The following ZNF846 variants were observed in gnomAD, a reference collection of about 807,000 sequenced individuals.
ZNF846 encodes the protein zinc finger protein 846.
ZNF846 carries 15 observed loss-of-function variants against 16.0 expected under a neutral mutation model. The observed-to-expected ratio is 0.94, with a 90% CI of 0.63 to 1.45. The LOEUF (loss-of-function observed/expected upper bound fraction) is 1.45. Ranked by LOEUF, ZNF846 falls within the 40% of genes most tolerant of loss-of-function variation. The probability of loss-of-function intolerance (pLI) is 0.00; values close to 1 mark genes in which losing one functional copy is unlikely to be tolerated. For missense variants in ZNF846, 714 were observed against 622.3 expected (o/e 1.15, Z -1.57); for synonymous variants, 229 against 212.0 (o/e 1.08, Z -0.70).
intron 1 of ZNF846, among the ~76,000 whole-genome samples, chr19:9,780,781 G>C (rs2045494533): frequency 6.6e-6 from 1 of 152,160 alleles, no homozygotes; most frequent in Non-Finnish European, 1.5e-5. Context: ...CAGTTCTAAT[G>C]TTCCACAGTT....
chr19:9,767,104 G>A (rs2045328332), intron 1 of ZNF846, among the ~76,000 whole-genome samples: 1 of 151,784 alleles, frequency 6.6e-6, no homozygotes, highest in Non-Finnish European at 1.5e-5. Flanking sequence ...TGGGATTACA[G>A]GGGTGAGCCA....
intron 4 of ZNF846, 131 bp downstream of exon 4, chr19:9,761,951 C>G: frequency 3.0e-6 from 2 of 659,796 alleles, no homozygotes; most frequent in Non-Finnish European, 5.2e-6. Context: ...TCTAAGGAAA[C>G]CAAATGGCCT....
Position 9,774,849 on chromosome 19 carries a change from A to G in ZNF846, c.-85-9814T>C, listed in dbSNP as rs1599400064. 3.1e-6 allele frequency: 5 copies of G among 1,610,000 alleles called. No homozygotes were observed. The East Asian group carries it at 8.9e-5, about 29-fold the overall frequency. ...GCACTGGTGAATGACCCCCAGCCCG[A>G]GCACCCGCTTCGGGCTGACCTAGCT... On this transcript the variant is annotated intron_variant, in intron 1 of 4. Coordinates refer to the ZNF846 transcript ENST00000586814.
chr19:9,754,189 G>A (rs2045111691), downstream of ZNF846, among the ~76,000 whole-genome samples: 1 of 151,220 alleles, frequency 6.6e-6, no homozygotes, highest in South Asian at 2.1e-4. Context: ...AATATATCCA[G>A]GCAAATTCTC....
chr19:9,775,219 A>G (rs191440513), intron 1 of ZNF846, among the ~76,000 whole-genome samples: 1,761 of 143,402 alleles, frequency 0.012, 35 homozygotes, highest in African/African-American at 0.048. Flanking sequence ...GTGTGTATAT[A>G]TATATAACAA....
chr19:9,771,752 T>C (rs529710803), upstream of ZNF846, among the ~76,000 whole-genome samples: 3 of 149,234 alleles, frequency 2.0e-5, no homozygotes, highest in Non-Finnish European at 4.4e-5. Context: ...GCTGTAAACA[T>C]GTGTGTGCAA....
chr19:9,751,211 A>C (rs2045081071), downstream of ZNF846, among the ~76,000 whole-genome samples: 1 of 152,056 alleles, frequency 6.6e-6, no homozygotes, highest in Non-Finnish European at 1.5e-5. Context: ...TGCTTTTAAC[A>C]AACCCACAAT....
chr19:9,785,126 T>C (rs1224941821), intron 1 of ZNF846, among the ~76,000 whole-genome samples: 1 of 152,030 alleles, frequency 6.6e-6, no homozygotes, highest in Admixed American at 6.6e-5. Flanking sequence ...GCATCATTGA[T>C]GCAGCCTCAC....
chr19:9,771,639 C>T (rs1378891060), upstream of ZNF846, among the ~76,000 whole-genome samples: 1 of 152,114 alleles, frequency 6.6e-6, no homozygotes, highest in Non-Finnish European at 1.5e-5. Flanking sequence ...CTTTTTATAG[C>T]TGAGTGGTAT....
At chr19:9,783,537 AAAAAAAAATATAT>A (rs1162215185) in intron 1 of ZNF846, among the ~76,000 whole-genome samples, 1 of 131,750 alleles carries the variant, frequency 7.6e-6, no homozygotes, top group Non-Finnish European at 1.6e-5. Context: ...AAAAAAAAAA[AAAAAAAAATATAT>A]ATATATATAT....
downstream of ZNF846, among the ~76,000 whole-genome samples, chr19:9,749,200 C>T (rs1331205989): frequency 6.6e-6 from 1 of 152,130 alleles, no homozygotes; most frequent in Non-Finnish European, 1.5e-5. Context: ...AGTAATAGCC[C>T]TTATAAACCT....
chr19:9,781,609 A>G (rs959913916), intron 1 of ZNF846, among the ~76,000 whole-genome samples: 1 of 152,146 alleles, frequency 6.6e-6, no homozygotes, highest in Non-Finnish European at 1.5e-5. Context: ...AGTTAGGCAA[A>G]CAGTCTTCTG....
intron 1 of ZNF846, among the ~76,000 whole-genome samples, chr19:9,779,523 T>C (rs1024702852): frequency 3.3e-5 from 5 of 150,772 alleles, no homozygotes; most frequent in Non-Finnish European, 4.4e-5. Flanking sequence ...CTGCCTCAGC[T>C]TCCCAAAGTG....
At chr19:9,750,669 C>T (rs915162301), downstream of ZNF846, among the ~76,000 whole-genome samples, 1 of 152,196 alleles carries the variant, frequency 6.6e-6, no homozygotes, top group African/African-American at 2.4e-5. Context: ...AGAGTCATCC[C>T]ATTAATCCCT....
chr19:9,776,325 G>C (rs947976881), intron 1 of ZNF846, among the ~76,000 whole-genome samples: 4 of 148,758 alleles, frequency 2.7e-5, no homozygotes, highest in African/African-American at 1.0e-4. Flanking sequence ...TGCTTCAGTG[G>C]TCACACTCCT....
exon 2 of ZNF846, chr19:9,764,937 T>C: frequency 1.2e-6 from 2 of 1,614,148 alleles, no homozygotes; most frequent in Non-Finnish European, 1.7e-6. Flanking sequence ...TCCACTTGCC[T>C]GAGAAGAATC....
intron 3 of ZNF846, chr19:9,762,428 A>G: frequency 3.0e-6 from 1 of 331,190 alleles, no homozygotes; most frequent in Non-Finnish European, 5.7e-6. Context: ...ACTTGAGGTT[A>G]GGAGTTCAAG....
chr19:9,749,145 C>A (rs2045065399), downstream of ZNF846, among the ~76,000 whole-genome samples: 1 of 152,184 alleles, frequency 6.6e-6, no homozygotes, highest in East Asian at 1.9e-4. Context: ...AAGTCTCAAG[C>A]ACTCTCCCCT....
chr19:9,752,587 C>G (rs2045093737), downstream of ZNF846: 1 of 147,602 alleles, frequency 6.8e-6, no homozygotes, highest in Admixed American at 6.8e-5. Context: ...TGCATTCCAG[C>G]CTGGGGAACA....
Sources: allele counts gnomAD v4.1 joint callset (sites outside exome capture counted in the v4.1 genomes callset), GRCh38; gene constraint gnomAD v4.1.1; transcripts MANE v1.5; gene names NCBI Gene and HGNC (gene_info 2026-07-23, HGNC 2026-07-21).